Variants in RPTOR observed in about 807,000 individuals in gnomAD.
RPTOR encodes the protein regulatory associated protein of MTOR complex 1.
Under a neutral mutation model 169.9 loss-of-function variants are expected in RPTOR, and 21 were observed. The observed-to-expected ratio is 0.12, with a 90% confidence interval of 0.09 to 0.18. The LOEUF is 0.18. Among genes scored for constraint, RPTOR ranks in the 10% least tolerant of loss-of-function variants. The pLI is 1.00. For synonymous variants in RPTOR, 732 were observed against 753.2 expected (o/e 0.97, Z 0.46); for missense variants, 1,133 against 1,855.9 (o/e 0.61, Z 7.16).
chr17:80,694,996 C>T (rs1173438991), intron 3 of RPTOR, among the ~76,000 whole-genome samples: 1 of 152,172 alleles, frequency 6.6e-6, no homozygotes, highest in Non-Finnish European at 1.5e-5. Flanking sequence ...CCGTGGGTGT[C>T]ATCAGGGTAG....
intron 1 of RPTOR, among the ~76,000 whole-genome samples, chr17:80,622,790 C>A (rs1385390119): frequency 6.6e-6 from 1 of 152,092 alleles, no homozygotes; most frequent in Middle Eastern, 3.2e-3. Flanking sequence ...GTGGTCCCAG[C>A]TACTCTGGAG....
At chr17:80,548,108 G>T (rs149322009) in intron 1 of RPTOR, among the ~76,000 whole-genome samples, 1 of 126,650 alleles carries the variant, frequency 7.9e-6, no homozygotes, top group African/African-American at 3.1e-5. Flanking sequence ...TTGAGACAGG[G>T]TCTTGCTCTG....
At position 80,857,858 on chromosome 17, in the gene RPTOR, A is replaced by G. The variant is rs2067871860; in HGVS notation, c.1467A>G (p.Pro489=). ...LLQSSARELR[P]LLVFIWAKIL... is the part of the protein sequence containing the mutation. Reference sequence around the variant, plus strand: ...AGAGCTCGGCCCGAGAGCTGCGGCCACTTCTCGTTTTCATCTGGGCCAAGA... The same window carrying G: ...AGAGCTCGGCCCGAGAGCTGCGGCCGCTTCTCGTTTTCATCTGGGCCAAGA... The change falls in exon 13 of 34, where the codon CCA becomes CCG. Residue 489 remains proline (P), a synonymous_variant. Transcript: ENST00000306801. 2.5e-6 allele frequency: 4 copies of G among 1,613,034 alleles called. No homozygotes were observed. The Admixed American group carries it at 5.0e-5, about 20-fold the overall frequency.
At chr17:80,635,619 C>G (rs576390402) in intron 2 of RPTOR, among the ~76,000 whole-genome samples, 5 of 152,148 alleles carry the variant, frequency 3.3e-5, no homozygotes, top group African/African-American at 1.2e-4. Flanking sequence ...CTAGAGGACC[C>G]AGGGGAGGTC....
intron 3 of RPTOR, among the ~76,000 whole-genome samples, chr17:80,680,660 C>G (rs537017489): frequency 6.6e-6 from 1 of 151,898 alleles, no homozygotes; most frequent in East Asian, 1.9e-4. Context: ...AAACTCAGAA[C>G]CATGCCTAGA....
chr17:80,565,895 G>C (rs1171181680), intron 1 of RPTOR, among the ~76,000 whole-genome samples: 1 of 152,216 alleles, frequency 6.6e-6, no homozygotes, highest in Non-Finnish European at 1.5e-5. Context: ...TGCATCTAGC[G>C]CTGGGACAGC....
intron 3 of RPTOR, among the ~76,000 whole-genome samples, chr17:80,656,183 G>T (rs2065678380): frequency 6.6e-6 from 1 of 152,172 alleles, no homozygotes; most frequent in Non-Finnish European, 1.5e-5. Context: ...CGATTCTCCT[G>T]TCTCAGCCTC....
rs1368581196 is a variant in RPTOR, at chr17:80,562,232, G to T, written c.162+16441G>T. 6.6e-6 allele frequency among the ~76,000 whole-genome samples: 1 copy of T among 152,192 alleles called. No individual in the cohort carries two copies. Reference sequence around the variant, plus strand: ...AACTGGATGTAGGAGAGAAAAACAAGATACACCAGGCATTTGGAAAGCCAA... The same window carrying T: ...AACTGGATGTAGGAGAGAAAAACAATATACACCAGGCATTTGGAAAGCCAA... On this transcript the variant is annotated intron_variant, in intron 1 of 33. Transcript: ENST00000306801. This position sits in a 1 kb window ranked among gnomAD's most constrained non-coding sequence, Gnocchi z 4.4.
intron 1 of RPTOR, among the ~76,000 whole-genome samples, chr17:80,566,823 C>CAAAAAAAAAAAAAAAAAAAAAAAAA (rs56295360): frequency 1.2e-5 from 1 of 83,996 alleles, no homozygotes; most frequent in Admixed American, 1.5e-4. Context: ...GACTCCGTCT[C>CAAAAAAAAAAAAAAAAAAAAAAAAA]AAAAAAAAAA....
intron 2 of RPTOR, among the ~76,000 whole-genome samples, chr17:80,629,070 A>G (rs566845741): frequency 7.3e-6 from 1 of 137,416 alleles, no homozygotes; most frequent in East Asian, 2.2e-4. Flanking sequence ...GCTGTTGGAC[A>G]TTGTACCGCA....
intron 9 of RPTOR, among the ~76,000 whole-genome samples, chr17:80,824,247 G>A (rs2067414612): frequency 6.6e-6 from 1 of 152,208 alleles, no homozygotes; most frequent in African/African-American, 2.4e-5. Flanking sequence ...GTTAAAGCAT[G>A]CATGATCTGT....
intron 1 of RPTOR, among the ~76,000 whole-genome samples, chr17:80,570,828 T>G (rs1373407503): frequency 1.3e-5 from 2 of 152,212 alleles, no homozygotes; most frequent in African/African-American, 4.8e-5. Context: ...CTGAACCTAA[T>G]TATCCCCCCC....
At chr17:80,551,448 G>C (rs954884172) in intron 1 of RPTOR, among the ~76,000 whole-genome samples, 34 of 152,032 alleles carry the variant, frequency 2.2e-4, no homozygotes, top group Admixed American at 6.6e-5. Context: ...AGTGGGGAGA[G>C]GGTCAGCAGA....
intron 7 of RPTOR, among the ~76,000 whole-genome samples, chr17:80,791,908 C>T (rs1336201020): frequency 1.3e-5 from 2 of 152,040 alleles, no homozygotes; most frequent in South Asian, 2.1e-4. Context: ...TCCATCCCCT[C>T]CCCCCCTGTC....
At chr17:80,848,160 G>T (rs1313000244) in intron 11 of RPTOR, among the ~76,000 whole-genome samples, 1 of 152,230 alleles carries the variant, frequency 6.6e-6, no homozygotes, top group East Asian at 1.9e-4. Context: ...CAAAGAACCA[G>T]TGTGCCAGCC....
At chr17:80,591,063 AGTTGT>A (rs1568323093) in intron 1 of RPTOR, among the ~76,000 whole-genome samples, 3 of 143,924 alleles carry the variant, frequency 2.1e-5, no homozygotes, top group African/African-American at 8.8e-5. Context: ...AGTGGCATAG[AGTTGT>A]TCAAAGTCAC....
chr17:80,897,247 CA>C (rs5822374), intron 20 of RPTOR, among the ~76,000 whole-genome samples: 118,110 of 146,368 alleles, frequency 0.81, 47,516 homozygotes, highest in African/African-American at 0.89. Flanking sequence ...GACTCCATCT[CA>C]AAAAAAAAAA....
chr17:80,587,045 A>G (rs1408832609), intron 1 of RPTOR, among the ~76,000 whole-genome samples: 1 of 152,250 alleles, frequency 6.6e-6, no homozygotes, highest in African/African-American at 2.4e-5. Context: ...CTGTGTGTAC[A>G]GAAGGACGCG....
At chr17:80,611,770 A>T (rs564554358) in intron 1 of RPTOR, among the ~76,000 whole-genome samples, 13,678 of 74,856 alleles carry the variant, frequency 0.18, 694 homozygotes, top group Middle Eastern at 0.26. Context: ...TTTTTTTTTT[A>T]AAAAAAACAA....
Sources: allele counts gnomAD v4.1 joint callset (sites outside exome capture counted in the v4.1 genomes callset), GRCh38; gene constraint gnomAD v4.1.1; non-coding constraint Gnocchi (gnomAD v3.1); transcripts MANE v1.5; gene names NCBI Gene and HGNC (gene_info 2026-07-23, HGNC 2026-07-21).